STIM2: variants seen among roughly 807,000 people sequenced by gnomAD.
The protein encoded by STIM2 is stromal interaction molecule 2.
In STIM2, 31 loss-of-function variants were observed where a neutral mutation model predicts 85.8. The ratio of observed to expected loss-of-function variants is 0.36; its 90% CI spans 0.27 to 0.49. The LOEUF (loss-of-function observed/expected upper bound fraction) is 0.49. STIM2 is among the 20% of genes least tolerant of loss of function. STIM2 has a pLI of 0.98. For missense variants in STIM2, 841 were observed against 927.6 expected (o/e 0.91, Z 1.21); for synonymous variants, 356 against 331.1 (o/e 1.08, Z -0.82).
intron 1 of STIM2, among the ~76,000 whole-genome samples, chr4:26,888,959 G>A (rs2109043007): frequency 6.6e-6 from 1 of 152,280 alleles, no homozygotes; most frequent in East Asian, 1.9e-4. Flanking sequence ...GGCATGAGGA[G>A]TTCAAAGTGG....
chr4:26,939,035 T>G (rs1387612924), intron 2 of STIM2, among the ~76,000 whole-genome samples: 5 of 152,170 alleles, frequency 3.3e-5, no homozygotes, highest in African/African-American at 1.2e-4. Context: ...CTGTTAATGT[T>G]AATATTGGAA....
At chr4:26,934,900 C>T (rs533654708) in intron 2 of STIM2, among the ~76,000 whole-genome samples, 22 of 108,010 alleles carry the variant, frequency 2.0e-4, no homozygotes, top group Admixed American at 3.9e-4. Context: ...GCAATAAGAG[C>T]GAAACTCCAT....
chr4:26,863,333 C>G (rs1722288316), intron 1 of STIM2, among the ~76,000 whole-genome samples: 1 of 152,050 alleles, frequency 6.6e-6, no homozygotes, highest in African/African-American at 2.4e-5. Context: ...TGATTTTTAA[C>G]AAGTTAAACG....
intron 1 of STIM2, among the ~76,000 whole-genome samples, chr4:26,874,802 T>G (rs948178064): frequency 3.2e-4 from 48 of 152,294 alleles, no homozygotes; most frequent in Non-Finnish European, 2.9e-5. Flanking sequence ...AAACAAATGT[T>G]TGAATGTCTG....
chr4:26,973,987 A>G (rs183936529), intron 3 of STIM2, among the ~76,000 whole-genome samples: 1 of 152,276 alleles, frequency 6.6e-6, no homozygotes, highest in African/African-American at 2.4e-5. Context: ...CTTTACCATT[A>G]TGTAACAGCC....
chr4:26,986,669 T>A (rs1178428472), intron 3 of STIM2, among the ~76,000 whole-genome samples: 4 of 152,254 alleles, frequency 2.6e-5, no homozygotes, highest in Admixed American at 6.5e-5. Context: ...TTTAAATTGC[T>A]ACCTCCACTA....
intron 10 of STIM2, among the ~76,000 whole-genome samples, chr4:27,015,078 A>G (rs1728689640): frequency 6.6e-6 from 1 of 152,010 alleles, no homozygotes; most frequent in Admixed American, 6.5e-5. Context: ...AGAAAATAGC[A>G]GTAACTGGTT....
chr4:27,009,831 A>C (rs763858449), intron 10 of STIM2, among the ~76,000 whole-genome samples: 2 of 152,202 alleles, frequency 1.3e-5, no homozygotes, highest in Admixed American at 6.5e-5. Flanking sequence ...AAGCTTGCCA[A>C]ATGCAACACT....
At chr4:27,002,467 C>A in intron 6 of STIM2, 73 bp downstream of exon 6, 2 of 1,164,078 alleles carry the variant, frequency 1.7e-6, no homozygotes, top group Non-Finnish European at 2.4e-6. Context: ...TGGGCATGTG[C>A]TTAAATACTT....
chr4:26,995,556 C>G (rs932048220), intron 4 of STIM2, 66 bp downstream of exon 4: 3 of 941,834 alleles, frequency 3.2e-6, no homozygotes, highest in Non-Finnish European at 4.7e-6. Flanking sequence ...GTCATTTCCC[C>G]ATACTGAATC....
chr4:26,985,887 A>G (rs184616434), intron 3 of STIM2, among the ~76,000 whole-genome samples: 2 of 152,322 alleles, frequency 1.3e-5, no homozygotes, highest in Non-Finnish European at 2.9e-5. Context: ...AGCAGTTTTA[A>G]AAAAGTAGTA....
intron 2 of STIM2, among the ~76,000 whole-genome samples, chr4:26,956,628 T>C (rs751953564): frequency 2.9e-4 from 44 of 152,104 alleles, no homozygotes; most frequent in Non-Finnish European, 4.1e-4. Flanking sequence ...TAAAGTATAC[T>C]TTAGCTCTAA....
chr4:26,918,375 G>T (rs528504111), intron 1 of STIM2, among the ~76,000 whole-genome samples: 7 of 151,636 alleles, frequency 4.6e-5, no homozygotes, highest in African/African-American at 1.7e-4. Flanking sequence ...ATCTCTACTT[G>T]CTTTATTTTA....
At chr4:26,992,561 T>C (rs534870274) in intron 3 of STIM2, among the ~76,000 whole-genome samples, 11 of 152,140 alleles carry the variant, frequency 7.2e-5, no homozygotes, top group African/African-American at 2.6e-4. Flanking sequence ...TATATAGTAA[T>C]GTTCAGAAAG....
chr4:26,944,819 T>G (rs1725753833), intron 2 of STIM2, among the ~76,000 whole-genome samples: 1 of 152,222 alleles, frequency 6.6e-6, no homozygotes, highest in Admixed American at 6.5e-5. Context: ...GTATGTATTC[T>G]TATGTACATG....
At chr4:26,975,975 C>A (rs930064960) in intron 3 of STIM2, among the ~76,000 whole-genome samples, 2 of 152,256 alleles carry the variant, frequency 1.3e-5, no homozygotes, top group Admixed American at 6.5e-5. Context: ...CCTCCCCAAG[C>A]CAGGCTGCCA....
At chr4:26,874,268 C>T in intron 1 of STIM2, 13 of 416,924 alleles carry the variant, frequency 3.1e-5, no homozygotes, top group Middle Eastern at 8.3e-4. Flanking sequence ...GGCTGCAGCT[C>T]CTTGCTGTTC....
chr4:26,908,525 C>T (rs1169129842), intron 1 of STIM2, among the ~76,000 whole-genome samples: 2 of 152,178 alleles, frequency 1.3e-5, no homozygotes. Context: ...TTGCTGTCGC[C>T]CAGCCTGGAG....
At chr4:26,865,977 T>C (rs1722394479) in intron 1 of STIM2, among the ~76,000 whole-genome samples, 1 of 118,520 alleles carries the variant, frequency 8.4e-6, no homozygotes, top group Non-Finnish European at 1.7e-5. Flanking sequence ...CTAATCCTGT[T>C]AGATAGCTAC....
Sources: gnomAD v4.1 joint callset for allele counts (sites outside exome capture counted in the v4.1 genomes callset) on GRCh38, gnomAD v4.1.1 for gene constraint, MANE v1.5 for transcripts, NCBI Gene and HGNC (gene_info 2026-07-23, HGNC 2026-07-21) for gene names.